The following MAML2 variants were observed in gnomAD, a reference collection of about 807,000 sequenced individuals.
MAML2 encodes the protein mastermind-like protein 2.
A neutral mutation model predicts 96.1 loss-of-function variants in MAML2; 22 were observed. The ratio of observed to expected loss-of-function variants is 0.23; its 90% CI spans 0.16 to 0.33. MAML2 has a LOEUF of 0.33. Ranked by LOEUF, MAML2 falls within the 10% of genes least tolerant of loss-of-function variation. The pLI, the probability that MAML2 is intolerant of heterozygous loss-of-function variation, is 1.00. For missense variants in MAML2, 1,367 were observed against 1,392.4 expected (o/e 0.98, Z 0.29); for synonymous variants, 561 against 521.3 (o/e 1.08, Z -1.04).
Position 96,017,819 on chromosome 11 carries a change from G to A in MAML2, c.2140-26096C>T, listed in dbSNP as rs115423060. ...CTGCTGTGCAAGAGGCAAGATTGGC[G>A]GTGGGGTGCAGGGGTGGAGAAGCAG... On this transcript the variant is annotated intron_variant, in intron 2 of 4. Transcript: ENST00000524717. 1.5e-3 allele frequency among the ~76,000 whole-genome samples: 224 copies of A among 152,290 alleles called. 2 individuals are homozygous for A. Among genetic ancestry groups the A allele is most frequent in the African/African-American group, 5.2e-3 (214 of 41,550 alleles).
chr11:96,150,680 A>G (rs144982075), intron 1 of MAML2, among the ~76,000 whole-genome samples: 4 of 152,246 alleles, frequency 2.6e-5, no homozygotes, highest in Admixed American at 6.5e-5. Context: ...CTCACCCTAC[A>G]TAAGATAGTA....
At chr11:96,077,774 T>G (rs1301089668) in intron 2 of MAML2, among the ~76,000 whole-genome samples, 1 of 152,166 alleles carries the variant, frequency 6.6e-6, no homozygotes, top group Non-Finnish European at 1.5e-5. Flanking sequence ...GCTGCAGCGG[T>G]GGTGGGCCCT....
intron 1 of MAML2, among the ~76,000 whole-genome samples, chr11:96,326,211 A>G (rs1863776688): frequency 6.6e-6 from 1 of 151,048 alleles, no homozygotes; most frequent in African/African-American, 2.4e-5. Context: ...ACCCTATTCC[A>G]TCATCTTTTT....
intron 1 of MAML2, among the ~76,000 whole-genome samples, chr11:96,124,616 G>C (rs887696030): frequency 3.9e-5 from 6 of 152,104 alleles, no homozygotes; most frequent in African/African-American, 1.4e-4. Flanking sequence ...TAGACACCAG[G>C]CCTCCTTCTC....
At chr11:96,177,979 G>T (rs1861414231) in intron 1 of MAML2, among the ~76,000 whole-genome samples, 1 of 128,268 alleles carries the variant, frequency 7.8e-6, no homozygotes, top group African/African-American at 3.0e-5. Flanking sequence ...CCTCTACCTG[G>T]GATACAATTT....
intron 2 of MAML2, among the ~76,000 whole-genome samples, chr11:96,016,269 A>T (rs1033845146): frequency 4.7e-4 from 2 of 4,222 alleles, no homozygotes; most frequent in African/African-American, 1.8e-3. Flanking sequence ...ACATGGGGGG[A>T]GGGTGGGTGG....
At chr11:96,336,828 G>A (rs1052776763) in intron 1 of MAML2, among the ~76,000 whole-genome samples, 1 of 152,230 alleles carries the variant, frequency 6.6e-6, no homozygotes, top group East Asian at 1.9e-4. Flanking sequence ...AAACATATTG[G>A]TATTTAAAAA....
At chr11:96,198,092 C>T (rs1401816041) in intron 1 of MAML2, among the ~76,000 whole-genome samples, 1 of 152,138 alleles carries the variant, frequency 6.6e-6, no homozygotes, top group Non-Finnish European at 1.5e-5. Context: ...GATATGTTCT[C>T]TTTTGCATTT....
At chr11:96,139,629 C>G (rs909831781) in intron 1 of MAML2, among the ~76,000 whole-genome samples, 2 of 151,420 alleles carry the variant, frequency 1.3e-5, no homozygotes, top group African/African-American at 4.9e-5. Flanking sequence ...ATTTTTTGAT[C>G]CCTAGAGAAA....
chr11:96,335,622 C>T (rs574237906), intron 1 of MAML2, among the ~76,000 whole-genome samples: 2 of 152,266 alleles, frequency 1.3e-5, no homozygotes, highest in East Asian at 1.9e-4. Flanking sequence ...TTAGGCAATG[C>T]GCTGTGAGAA....
At chr11:96,148,102 C>T (rs1012735885) in intron 1 of MAML2, among the ~76,000 whole-genome samples, 1 of 152,208 alleles carries the variant, frequency 6.6e-6, no homozygotes, top group South Asian at 2.1e-4. Context: ...ACGAGCACAC[C>T]TCATCTGTCA....
chr11:96,074,137 C>T (rs140048439), intron 2 of MAML2, among the ~76,000 whole-genome samples: 10 of 152,242 alleles, frequency 6.6e-5, no homozygotes, highest in Admixed American at 1.3e-4. Context: ...ATGTCCGCTT[C>T]CATACTATAA....
chr11:96,339,684 A>G, intron 1 of MAML2, among the ~76,000 whole-genome samples: 1 of 152,222 alleles, frequency 6.6e-6, no homozygotes, highest in Non-Finnish European at 1.5e-5. Context: ...AGACTTGCAG[A>G]CAGATTATAA....
chr11:96,033,242 G>T (rs556708998), intron 2 of MAML2, among the ~76,000 whole-genome samples: 2 of 152,066 alleles, frequency 1.3e-5, no homozygotes, highest in Admixed American at 6.6e-5. Context: ...TATCCAAGTG[G>T]TTTCCAAACC....
chr11:96,002,585 C>T (rs866454440), intron 2 of MAML2, among the ~76,000 whole-genome samples: 32 of 133,506 alleles, frequency 2.4e-4, no homozygotes, highest in Middle Eastern at 0.01. Context: ...AAGATGATGA[C>T]AGGGATGATG....
intron 1 of MAML2, among the ~76,000 whole-genome samples, chr11:96,182,435 A>T (rs981200253): frequency 5.9e-5 from 9 of 151,994 alleles, no homozygotes; most frequent in African/African-American, 2.2e-4. Flanking sequence ...CCACAAATTG[A>T]CCTCTCATCT....
chr11:96,147,314 C>T (rs1248444629), intron 1 of MAML2, among the ~76,000 whole-genome samples: 2 of 152,212 alleles, frequency 1.3e-5, no homozygotes, highest in Non-Finnish European at 2.9e-5. Flanking sequence ...TAGGTCCCTA[C>T]ATGACTGTAA....
At chr11:96,281,206 C>T (rs1863058990) in intron 1 of MAML2, among the ~76,000 whole-genome samples, 1 of 152,080 alleles carries the variant, frequency 6.6e-6, no homozygotes, top group Non-Finnish European at 1.5e-5. Flanking sequence ...CCCAGAAGAA[C>T]ATGGGAGCTG....
intron 2 of MAML2, among the ~76,000 whole-genome samples, chr11:96,044,021 G>C (rs1858857866): frequency 6.6e-6 from 1 of 152,210 alleles, no homozygotes; most frequent in African/African-American, 2.4e-5. Flanking sequence ...GACAAAGGCA[G>C]GTGTGGAGTA....
Sources: allele counts gnomAD v4.1 joint callset (sites outside exome capture counted in the v4.1 genomes callset), GRCh38; gene constraint gnomAD v4.1.1; transcripts MANE v1.5; gene names NCBI Gene and HGNC (gene_info 2026-07-23, HGNC 2026-07-21).